GALNT2: variants seen among roughly 807,000 people sequenced by gnomAD.
The protein encoded by GALNT2 is polypeptide N-acetylgalactosaminyltransferase 2, also known as UDP-GalNAc:polypeptide N-acetylgalactosaminyltransferase 2.
GALNT2 carries 31 observed loss-of-function variants against 81.4 expected under a neutral mutation model. The ratio of observed to expected loss-of-function variants is 0.38; its 90% confidence interval spans 0.29 to 0.51. The LOEUF is 0.51. GALNT2 is among the 20% of genes least tolerant of loss of function. GALNT2 has a pLI of 0.87. For synonymous variants in GALNT2, 303 were observed against 287.4 expected, an observed-to-expected ratio of 1.05 and a Z score of -0.55; for missense variants, 629 against 765.7, an observed-to-expected ratio of 0.82 and a Z score of 2.11.
intron 3 of GALNT2, among the ~76,000 whole-genome samples, chr1:230,213,845 C>T (rs1009363804): frequency 1.3e-5 from 2 of 152,140 alleles, no homozygotes; most frequent in African/African-American, 4.8e-5. Flanking sequence ...AATAATTTAC[C>T]TTCCACTTAC....
At chr1:230,092,176 G>GTTTTTTTTTGTTTTTTTTTTTT (rs762299242) in intron 1 of GALNT2, 4 of 42,264 alleles carry the variant, frequency 9.5e-5, no homozygotes, top group South Asian at 8.9e-4. Flanking sequence ...TATTCCTTTA[G>GTTTTTTTTTGTTTTTTTTTTTT]TTTTTTTTTT....
chr1:230,072,516 C>T (rs1184586786), intron 1 of GALNT2, among the ~76,000 whole-genome samples: 2 of 152,112 alleles, frequency 1.3e-5, no homozygotes, highest in African/African-American at 4.8e-5. Flanking sequence ...GCAGAATTCA[C>T]GTGATGAGAA....
chr1:230,247,078 T>TAAA (rs1311476492), intron 8 of GALNT2, among the ~76,000 whole-genome samples: 1 of 135,868 alleles, frequency 7.4e-6, no homozygotes, highest in African/African-American at 2.7e-5. Context: ...TTGTCTCTAT[T>TAAA]AAAAAAAAAA....
chr1:230,207,208 G>A (rs962002854), intron 3 of GALNT2, among the ~76,000 whole-genome samples: 1 of 151,992 alleles, frequency 6.6e-6, no homozygotes, highest in African/African-American at 2.4e-5. Context: ...AATCATGCAA[G>A]ATATGAAGAA....
chr1:230,130,508 C>T (rs1661334042), intron 1 of GALNT2, among the ~76,000 whole-genome samples: 1 of 152,172 alleles, frequency 6.6e-6, no homozygotes, highest in African/African-American at 2.4e-5. Context: ...CTTCAAGGAA[C>T]ACCAGTTTGA....
At chr1:230,064,891 A>G (rs1659134934), upstream of GALNT2, among the ~76,000 whole-genome samples, 1 of 152,246 alleles carries the variant, frequency 6.6e-6, no homozygotes. Context: ...GTCTGATGCC[A>G]GCATAAATTT....
At position 230,277,429 on chromosome 1, in the gene GALNT2, G is replaced by A. The variant is rs900947205; in HGVS notation, c.1561-1874G>A. ...GCCAGAATCAGATTCCGTTCATTCC[G>A]AATTCTTTGTTGAGAAGATTCCTGG... On this transcript the variant is annotated intron_variant, in intron 15 of 15. Transcript: ENST00000366672. Among the ~76,000 whole-genome samples the A allele has an allele frequency of 2.6e-5, 4 of 152,192 alleles. No individual in the cohort carries two copies. The East Asian group carries it at 5.8e-4, about 22-fold the overall frequency.
intron 14 of GALNT2, among the ~76,000 whole-genome samples, chr1:230,269,112 A>G (rs1191413015): frequency 6.7e-6 from 1 of 150,178 alleles, no homozygotes; most frequent in Non-Finnish European, 1.5e-5. Context: ...TCCAATGGCC[A>G]CATCCTGGGA....
intron 1 of GALNT2, among the ~76,000 whole-genome samples, chr1:230,076,537 T>C (rs1451407098): frequency 6.6e-6 from 1 of 152,094 alleles, no homozygotes; most frequent in African/African-American, 2.4e-5. Flanking sequence ...GGGTTATTCT[T>C]GGCAATGTGG....
At position 230,117,347 on chromosome 1, in the gene GALNT2, T is replaced by A. The variant is rs369834858; in HGVS notation, c.126+49941T>A. On this transcript the variant is annotated intron_variant, in intron 1 of 15. Transcript: ENST00000366672. ...GCAATAAGGCTGTTTGGCTTTCTTA[T>A]CGTTCATGTGTTCACTGGAGTAGCA... Among the ~76,000 whole-genome samples, 4 of 152,394 alleles carry A rather than the reference T, an allele frequency of 2.6e-5. No individual in the cohort carries two copies. In the South Asian group the frequency reaches 8.3e-4, roughly 32 times the overall value.
chr1:230,110,216 T>A (rs1660661600), intron 1 of GALNT2, among the ~76,000 whole-genome samples: 1 of 152,212 alleles, frequency 6.6e-6, no homozygotes, highest in Non-Finnish European at 1.5e-5. Context: ...TGGTGGTTTT[T>A]AATTTTTGTG....
At chr1:230,188,025 C>T (rs941665633) in intron 2 of GALNT2, among the ~76,000 whole-genome samples, 2 of 152,162 alleles carry the variant, frequency 1.3e-5, no homozygotes, top group African/African-American at 4.8e-5. Flanking sequence ...ACTTTGGGCC[C>T]TACGGTTCCA....
At chr1:230,127,673 G>A (rs1380256515) in intron 1 of GALNT2, among the ~76,000 whole-genome samples, 1 of 139,922 alleles carries the variant, frequency 7.1e-6, no homozygotes, top group African/African-American at 2.7e-5. Context: ...TGTGCCGGCC[G>A]AGGGTTTTTT....
At position 230,147,401 on chromosome 1, in the gene GALNT2, C is replaced by T. The variant is rs148943607; in HGVS notation, c.127-30817C>T. Among the ~76,000 whole-genome samples the T allele has an allele frequency of 5.3e-5, 8 of 152,294 alleles. No homozygotes were observed. In the East Asian group the frequency reaches 1.5e-3, roughly 29 times the overall value. ...CTTTGGGGTTAAGGTGTGGGTTTGCCTATATTCACTTTGCTGTCCTTGACT... is the reference window on the plus strand; with the variant it reads ...CTTTGGGGTTAAGGTGTGGGTTTGCTTATATTCACTTTGCTGTCCTTGACT... On this transcript the variant is annotated intron_variant, in intron 1 of 15. Transcript: ENST00000366672.
chr1:230,274,306 C>A (rs1220461360), intron 14 of GALNT2, 139 bp from the exon 15 acceptor site: 1 of 1,149,554 alleles, frequency 8.7e-7, no homozygotes, highest in Non-Finnish European at 1.2e-6. Flanking sequence ...GTAATTGTTT[C>A]GTTCTCAGTT....
At chr1:230,201,971 G>A (rs1009876428) in intron 2 of GALNT2, among the ~76,000 whole-genome samples, 2 of 152,136 alleles carry the variant, frequency 1.3e-5, no homozygotes, top group Non-Finnish European at 2.9e-5. Context: ...ACTGGAAATT[G>A]TATGAGTTTC....
chr1:230,121,265 G>T (rs1018375786), intron 1 of GALNT2, among the ~76,000 whole-genome samples: 2 of 152,218 alleles, frequency 1.3e-5, no homozygotes, highest in Non-Finnish European at 2.9e-5. Context: ...GGGTTGTGAA[G>T]GCTTTGTATG....
At position 230,209,823 on chromosome 1, in the gene GALNT2, C is replaced by CAA. The variant is rs11302394; in HGVS notation, c.374+6547_374+6548dup. On this transcript the variant is annotated intron_variant, in intron 3 of 15. Coordinates refer to ENST00000366672, the MANE Select transcript of GALNT2 (RefSeq NM_004481.5). ...TGGGTGGCAGAGCAAGACCTTGTCTCAAAAAAAAAAAAAAAGTCTATTGTT... is the reference window on the plus strand; with the variant it reads ...TGGGTGGCAGAGCAAGACCTTGTCTCAAAAAAAAAAAAAAAAAGTCTATTGTT... Among the ~76,000 whole-genome samples, 3 of 135,046 alleles carry CAA rather than the reference C, an allele frequency of 2.2e-5. No homozygotes were observed. The Admixed American group carries it at 2.2e-4, about 10-fold the overall frequency. 88.6% of individuals were successfully genotyped at this position (135,046 alleles called of 152,430 possible). A position where few individuals can be genotyped will look rare whatever the true frequency, so the allele number is the denominator to read the frequency against.
intron 1 of GALNT2, among the ~76,000 whole-genome samples, chr1:230,114,452 C>G (rs552630458): frequency 2.8e-4 from 43 of 152,360 alleles, no homozygotes; most frequent in Non-Finnish European, 5.0e-4. Flanking sequence ...ACGTTTCCCA[C>G]ACGATTACGT....
Sources: gnomAD v4.1 joint callset for allele counts (sites outside exome capture counted in the v4.1 genomes callset) on GRCh38, gnomAD v4.1.1 for gene constraint, MANE v1.5 for transcripts, NCBI Gene and HGNC (gene_info 2026-07-23, HGNC 2026-07-21) for gene names.